Variants in WIPF2 observed in about 807,000 individuals in gnomAD.
WIPF2 encodes WAS/WASL-interacting protein family member 2.
WIPF2 carries 23 observed loss-of-function variants against 38.8 expected under a neutral mutation model. That is an observed-to-expected ratio of 0.59 (90% CI 0.43 to 0.84). WIPF2 has a LOEUF of 0.84. Among genes scored for constraint, WIPF2 ranks in the 40% least tolerant of loss-of-function variants. WIPF2 has a pLI of 0.00. For synonymous variants in WIPF2, 210 were observed against 223.2 expected (o/e 0.94, Z 0.53); for missense variants, 574 against 580.5 (o/e 0.99, Z 0.11).
At chr17:40,263,546 T>TTCCC (rs2031980621) in intron 4 of WIPF2, among the ~76,000 whole-genome samples, 22 of 85,916 alleles carry the variant, frequency 2.6e-4, no homozygotes, top group South Asian at 4.5e-4. Context: ...TATTTATTCG[T>TTCCC]CCCCCCCCCC....
At chr17:40,260,509 G>A in intron 2 of WIPF2, 26 bp from the exon 3 acceptor site, 1 of 1,612,484 alleles carries the variant, frequency 6.2e-7, no homozygotes, top group East Asian at 2.2e-5. Context: ...TCTTTAGGGT[G>A]AACTTATATT....
rs148100645 is a variant in WIPF2 at position 40,281,051 on chromosome 17, T to G, written c.*2826T>G. The G allele has an allele frequency of 1.1e-3, 169 of 152,752 alleles. 2 individuals are homozygous for G. Among genetic ancestry groups the G allele is most frequent in the African/African-American group, 3.8e-3 (158 of 41,576 alleles). 9.5% of individuals were successfully genotyped at this position (152,752 alleles called of 1,614,324 possible). A position where few individuals can be genotyped will look rare whatever the true frequency, so the allele number is the denominator to read the frequency against. ...AAAAGCTTCTAATTTAGGTTTAAGG[T>G]GGGCTGGCTACAAGAGCACTAAAAC... On this transcript the variant is annotated 3_prime_UTR_variant, in exon 8 of 8. Transcript: ENST00000323571.
chr17:40,270,978 A>C (rs2032234562), intron 5 of WIPF2, among the ~76,000 whole-genome samples: 1 of 152,084 alleles, frequency 6.6e-6, no homozygotes, highest in Admixed American at 6.6e-5. Flanking sequence ...AGGAATAATA[A>C]GATACTCTTT....
chr17:40,246,326 T>C (rs958803056), intron 1 of WIPF2, among the ~76,000 whole-genome samples: 1 of 151,850 alleles, frequency 6.6e-6, no homozygotes, highest in African/African-American at 2.4e-5. Context: ...CCTTAAGTGA[T>C]CTGTCTGCCT....
chr17:40,225,092 G>A (rs1192287916), intron 1 of WIPF2, among the ~76,000 whole-genome samples: 1 of 152,026 alleles, frequency 6.6e-6, no homozygotes. Context: ...AAGAAATAGA[G>A]GCAGTACTCT....
chr17:40,280,904 T>C lies in WIPF2; in HGVS notation c.*2679T>C, dbSNP rs1203832848. 1.3e-5 allele frequency: 2 copies of C among 152,662 alleles called. No individual in the cohort carries two copies. The highest frequency in any genetic ancestry group is 4.8e-5 in the African/African-American group (2 of 41,460). 9.5% of individuals were successfully genotyped at this position (152,662 alleles called of 1,614,324 possible). On this transcript the variant is annotated 3_prime_UTR_variant, in exon 8 of 8. Coordinates refer to ENST00000323571, the MANE Select transcript of WIPF2 (RefSeq NM_133264.5). ...AGCATGTTGATGATACAACACCTGTTTAAATGTCTGCCTTATATGTTATTT... is the reference window on the plus strand; with the variant it reads ...AGCATGTTGATGATACAACACCTGTCTAAATGTCTGCCTTATATGTTATTT...
intron 2 of WIPF2, among the ~76,000 whole-genome samples, chr17:40,256,946 T>C (rs1396511542): frequency 6.6e-6 from 1 of 152,144 alleles, no homozygotes; most frequent in South Asian, 2.1e-4. Flanking sequence ...AGTTAGTATG[T>C]TGTTTCTTTG....
intron 5 of WIPF2, among the ~76,000 whole-genome samples, chr17:40,266,083 A>G (rs1483666298): frequency 6.6e-6 from 1 of 152,080 alleles, no homozygotes; most frequent in East Asian, 1.9e-4. Flanking sequence ...TGAAAACCAC[A>G]TGCTGGATGA....
At position 40,260,954 on chromosome 17, in the gene WIPF2, G is replaced by A. The variant is rs925238779; in HGVS notation, c.196+287G>A. 15 of 413,340 alleles carry A rather than the reference G, an allele frequency of 3.6e-5. No homozygotes were observed. The Admixed American group carries it at 5.3e-4, about 15-fold the overall frequency. 25.6% of individuals were successfully genotyped at this position (413,340 alleles called of 1,614,324 possible). ...GATTGCATGAGCCTAGAAGTTCAAG[G>A]CTGCAGTGAGCTGTGATCATGTCAC... On this transcript the variant is annotated intron_variant, in intron 3 of 7. Coordinates refer to ENST00000323571, the MANE Select transcript of WIPF2 (RefSeq NM_133264.5).
At chr17:40,259,979 C>A (rs1463118785) in intron 2 of WIPF2, among the ~76,000 whole-genome samples, 1 of 152,110 alleles carries the variant, frequency 6.6e-6, no homozygotes, top group African/African-American at 2.4e-5. Context: ...CTAAGTATTA[C>A]TGCAGGCCTC....
chr17:40,261,686 T>G (rs12051764), intron 3 of WIPF2, among the ~76,000 whole-genome samples: 16,487 of 148,876 alleles, frequency 0.11, 1,060 homozygotes, highest in East Asian at 0.29. Context: ...TTTTTGGTTT[T>G]TTTTGTTTTT....
chr17:40,277,243 T>C, intron 7 of WIPF2, 59 bp downstream of exon 7: 1 of 1,464,418 alleles, frequency 6.8e-7, no homozygotes, highest in East Asian at 2.3e-5. Flanking sequence ...ATCTGTGCAT[T>C]TTCTTAGGTT....
At chr17:40,265,177 C>T (rs2032048272) in intron 5 of WIPF2, 31 bp downstream of exon 5, 63 of 1,553,798 alleles carry the variant, frequency 4.1e-5, no homozygotes, top group Non-Finnish European at 5.5e-5. Flanking sequence ...TTTTCCCTAT[C>T]ATGCTGTGAG....
At chr17:40,226,778 G>T (rs758566544) in intron 1 of WIPF2, among the ~76,000 whole-genome samples, 1 of 152,048 alleles carries the variant, frequency 6.6e-6, no homozygotes, top group South Asian at 2.1e-4. Context: ...GTCTTGCTCT[G>T]TTGCCCAGGC....
intron 1 of WIPF2, among the ~76,000 whole-genome samples, chr17:40,227,744 T>A (rs1412211266): frequency 2.6e-5 from 4 of 151,886 alleles, no homozygotes; most frequent in Non-Finnish European, 4.4e-5. Context: ...TCCCAGTTAC[T>A]CGGGAGGCTG....
At chr17:40,233,830 G>A (rs1248938710) in intron 1 of WIPF2, among the ~76,000 whole-genome samples, 2 of 152,004 alleles carry the variant, frequency 1.3e-5, no homozygotes, top group Non-Finnish European at 2.9e-5. Flanking sequence ...TTGGGAAGCC[G>A]AGGCGGGCGG....
intron 1 of WIPF2, among the ~76,000 whole-genome samples, chr17:40,255,953 G>T (rs1002882083): frequency 6.6e-6 from 1 of 151,982 alleles, no homozygotes; most frequent in African/African-American, 2.4e-5. Context: ...TTAGCTGGGC[G>T]TAATGACATG....
chr17:40,265,069 C>T lies in WIPF2; in HGVS notation c.893C>T (p.Pro298Leu). 3 of 1,613,968 alleles carry T rather than the reference C, an allele frequency of 1.9e-6. No individual in the cohort carries two copies. Among genetic ancestry groups the T allele is most frequent in the Non-Finnish European group, 2.5e-6 (3 of 1,180,008 alleles). Residue 298 changes from proline (P) to leucine (L), a missense_variant, in exon 5 of 8, where the codon CCA becomes CTA. Physicochemically the swap from Pro to Leu is moderately conservative, Grantham distance 98. Coordinates refer to ENST00000323571, the MANE Select transcript of WIPF2 (RefSeq NM_133264.5). Reference sequence around the variant, plus strand: ...CCTGTCAGAGGCCTAGCACCTCCTCCACCCACCTCGGCCTCCCCATCTTTA... The same window carrying T: ...CCTGTCAGAGGCCTAGCACCTCCTCTACCCACCTCGGCCTCCCCATCTTTA... ...PGPVRGLAPP[P>L]PTSASPSLLS...
In WIPF2 at chr17:40,272,270, C is replaced by T. The variant is rs925777914; in HGVS notation, c.971-1520C>T. Among the ~76,000 whole-genome samples the T allele has an allele frequency of 8.5e-5, 13 of 152,276 alleles. No homozygotes were observed. In the South Asian group the frequency reaches 1.7e-3, roughly 19 times the overall value. On this transcript the variant is annotated intron_variant, in intron 5 of 7. Transcript: ENST00000323571. Reference sequence around the variant, plus strand: ...CCGACCTCAGGTGATCCTCCCGCCTCGGCCTCCCAAAGTGCTGGGATTACA... The same window carrying T: ...CCGACCTCAGGTGATCCTCCCGCCTTGGCCTCCCAAAGTGCTGGGATTACA...
Sources: gnomAD v4.1 joint callset for allele counts (sites outside exome capture counted in the v4.1 genomes callset) on GRCh38, gnomAD v4.1.1 for gene constraint, MANE v1.5 for transcripts, NCBI Gene and HGNC (gene_info 2026-07-23, HGNC 2026-07-21) for gene names.